Variants in SLAIN2 observed in about 807,000 individuals in gnomAD.
SLAIN2 encodes the protein SLAIN motif-containing protein 2.
Under a neutral mutation model 56.6 loss-of-function variants are expected in SLAIN2, and 31 were observed. The ratio of observed to expected loss-of-function variants is 0.55; its 90% CI spans 0.41 to 0.74. The LOEUF is 0.74. SLAIN2 is among the 30% of genes least tolerant of loss of function. SLAIN2 has a pLI of 0.00. For synonymous variants in SLAIN2, 317 were observed against 284.9 expected, an observed-to-expected ratio of 1.11 and a Z score of -1.13; for missense variants, 777 against 754.2, an observed-to-expected ratio of 1.03 and a Z score of -0.35.
At chr4:48,384,342 T>TTCTGCATC (rs1376414157) in intron 6 of SLAIN2, among the ~76,000 whole-genome samples, 2 of 152,228 alleles carry the variant, frequency 1.3e-5, no homozygotes, top group Non-Finnish European at 2.9e-5. Context: ...CTCATTTTAT[T>TTCTGCATC]TCTGCATCTG....
intron 2 of SLAIN2, among the ~76,000 whole-genome samples, chr4:48,375,470 A>G (rs1577720569): frequency 6.6e-6 from 1 of 152,208 alleles, no homozygotes; most frequent in East Asian, 1.9e-4. Context: ...AATCCTTTCC[A>G]GTTTTTAATA....
chr4:48,376,306 T>C lies in SLAIN2; in HGVS notation c.539-1590T>C, dbSNP rs1331902886. On this transcript the variant is annotated intron_variant, in intron 2 of 7. Transcript: ENST00000264313. ...TTGTCTCTACTAAAAATACAAAAAA[T>C]TAGCCAGGCGTGGTGGCACATGCCT... is the stretch of plus-strand genomic sequence containing the variant. Among the ~76,000 whole-genome samples the C allele has an allele frequency of 1.3e-5, 2 of 151,898 alleles. 1 individual carries two copies. The highest frequency in any genetic ancestry group is 4.2e-4 in the South Asian group (2 of 4,810).
Position 48,420,128 on chromosome 4 carries a change from C to G in SLAIN2, c.1364C>G (p.Pro455Arg). The G allele has an allele frequency of 1.1e-5, 17 of 1,613,526 alleles. No individual in the cohort carries two copies. Among genetic ancestry groups the G allele is most frequent in the Non-Finnish European group, 1.4e-5 (17 of 1,179,532 alleles). Residue 455 changes from proline (P) to arginine (R), a missense_variant, in exon 7 of 8, where the codon CCT (proline) becomes CGT (arginine). Coordinates refer to ENST00000264313, the MANE Select transcript of SLAIN2 (RefSeq NM_020846.2). ...PRMQPQASAI[P>R]SPGKFRSPAA... is the part of the protein sequence containing the mutation. The stretch of plus-strand genomic sequence containing the variant: ...GTTTTTCTTTGCCATCCCACAGTAC[C>G]TTCTCCAGGCAAATTCCGTTCCCCT...
intron 6 of SLAIN2, among the ~76,000 whole-genome samples, chr4:48,395,781 T>C (rs1435727939): frequency 6.8e-6 from 1 of 147,790 alleles, no homozygotes; most frequent in African/African-American, 2.5e-5. Flanking sequence ...TAGAAAGGGG[T>C]TTTTGTGGAC....
chr4:48,392,023 C>T (rs779097526), intron 6 of SLAIN2, among the ~76,000 whole-genome samples: 16 of 152,238 alleles, frequency 1.1e-4, no homozygotes, highest in East Asian at 7.7e-4. Flanking sequence ...TAAATATTTT[C>T]GAACAGCCAA....
intron 1 of SLAIN2, among the ~76,000 whole-genome samples, chr4:48,366,834 A>G (rs1220282931): frequency 2.0e-5 from 3 of 152,210 alleles, no homozygotes; most frequent in Non-Finnish European, 4.4e-5. Context: ...TTTTTAAGCA[A>G]GTAAAAACTT....
intron 1 of SLAIN2, among the ~76,000 whole-genome samples, chr4:48,355,031 GCCAC>G (rs1715121143): frequency 6.6e-6 from 1 of 152,036 alleles, no homozygotes; most frequent in African/African-American, 2.4e-5. Flanking sequence ...ACAGGCGACT[GCCAC>G]CATACCTGGC....
intron 2 of SLAIN2, among the ~76,000 whole-genome samples, chr4:48,374,555 A>G (rs765937023): frequency 1.3e-5 from 2 of 152,152 alleles, no homozygotes; most frequent in Non-Finnish European, 2.9e-5. Context: ...CCAATTGTGG[A>G]CTTTTAAGAG....
At chr4:48,363,701 A>C (rs1715406525) in intron 1 of SLAIN2, among the ~76,000 whole-genome samples, 1 of 109,412 alleles carries the variant, frequency 9.1e-6, no homozygotes. Flanking sequence ...GGCCGGGCAG[A>C]GGCGCCCCTC....
intron 6 of SLAIN2, among the ~76,000 whole-genome samples, chr4:48,414,515 G>T (rs1716946777): frequency 6.7e-6 from 1 of 149,156 alleles, no homozygotes; most frequent in Admixed American, 6.7e-5. Flanking sequence ...TTATATGTAA[G>T]TGGTTTTCTT....
chr4:48,407,620 A>G (rs1217873265), intron 6 of SLAIN2, among the ~76,000 whole-genome samples: 1 of 152,080 alleles, frequency 6.6e-6, no homozygotes, highest in South Asian at 2.1e-4. Flanking sequence ...TACTAATTTT[A>G]TGGTTCTTAG....
rs1055048825 is a variant in SLAIN2 at position 48,422,243 on chromosome 4, C to G, written c.*166C>G. On this transcript the variant is annotated 3_prime_UTR_variant, in exon 8 of 8. Transcript: ENST00000264313. ...AACCGACAGAGATCATCAAACAGCACTTTAATGACATTTAACATCAGATGT... is the reference window on the plus strand; with the variant it reads ...AACCGACAGAGATCATCAAACAGCAGTTTAATGACATTTAACATCAGATGT... 2.1e-5 allele frequency: 12 copies of G among 578,688 alleles called. No individual in the cohort carries two copies. The highest frequency in any genetic ancestry group is 2.1e-4 in the African/African-American group (11 of 53,346). The allele number at this position is 578,688 out of a possible 1,614,324, so 35.8% of individuals were successfully genotyped here.
At position 48,341,733 on chromosome 4, in the gene SLAIN2, G is replaced by A. The variant is rs759770628; in HGVS notation, c.-7G>A. ...GCGGCGGAGGCGGCGGCGGCGGCGGGGCCGGGATGGAGGACGTTAACTCCA... is the reference window on the plus strand; with the variant it reads ...GCGGCGGAGGCGGCGGCGGCGGCGGAGCCGGGATGGAGGACGTTAACTCCA... On this transcript the variant is annotated 5_prime_UTR_variant, in exon 1 of 8. Transcript: ENST00000264313. 2.0e-5 allele frequency: 30 copies of A among 1,528,676 alleles called. No individual in the cohort carries two copies. The South Asian group carries it at 3.3e-4, about 17-fold the overall frequency. The allele number at this position is 1,528,676 out of a possible 1,614,324, so 94.7% of individuals were successfully genotyped here.
chr4:48,391,514 G>T (rs1716235657), intron 6 of SLAIN2, among the ~76,000 whole-genome samples: 1 of 152,222 alleles, frequency 6.6e-6, no homozygotes, highest in Admixed American at 6.5e-5. Context: ...GGGGCATGAT[G>T]ATAATAGAAA....
intron 1 of SLAIN2, among the ~76,000 whole-genome samples, chr4:48,359,412 C>T (rs1211308930): frequency 1.3e-5 from 2 of 152,140 alleles, no homozygotes; most frequent in African/African-American, 4.8e-5. Context: ...AAATTTAAAT[C>T]ATTTTTGTCC....
chr4:48,357,830 C>T (rs1715201636), intron 1 of SLAIN2, among the ~76,000 whole-genome samples: 1 of 152,142 alleles, frequency 6.6e-6, no homozygotes, highest in Non-Finnish European at 1.5e-5. Flanking sequence ...GCTGGGATTA[C>T]AGGCATGAGC....
intron 1 of SLAIN2, among the ~76,000 whole-genome samples, chr4:48,367,957 A>G (rs1045584266): frequency 9.2e-5 from 14 of 151,502 alleles, no homozygotes; most frequent in African/African-American, 3.4e-4. Context: ...GGCAACCACA[A>G]ATCTCTTTTC....
At chr4:48,367,599 C>T (rs894376051) in intron 1 of SLAIN2, among the ~76,000 whole-genome samples, 2 of 151,194 alleles carry the variant, frequency 1.3e-5, no homozygotes, top group African/African-American at 4.9e-5. Context: ...AATTATAATG[C>T]TATTAACAGG....
chr4:48,385,620 A>G (rs1716079119), intron 6 of SLAIN2, among the ~76,000 whole-genome samples: 1 of 146,902 alleles, frequency 6.8e-6, no homozygotes, highest in Non-Finnish European at 1.5e-5. Flanking sequence ...CCCTTTTTTC[A>G]TTTTCATCTT....
Sources: allele counts gnomAD v4.1 joint callset (sites outside exome capture counted in the v4.1 genomes callset), GRCh38; gene constraint gnomAD v4.1.1; transcripts MANE v1.5; gene names NCBI Gene and HGNC (gene_info 2026-07-23, HGNC 2026-07-21).